Variants in CDH11 observed in about 807,000 individuals in gnomAD.
The protein encoded by CDH11 is cadherin-11.
CDH11 carries 11 observed loss-of-function variants against 67.8 expected under a neutral mutation model. That is an observed-to-expected ratio of 0.16 (90% confidence interval 0.10 to 0.27). The LOEUF (loss-of-function observed/expected upper bound fraction) is 0.27. Among genes scored for constraint, CDH11 ranks in the 10% least tolerant of loss-of-function variants. The pLI, the probability that CDH11 is intolerant of heterozygous loss-of-function variation, is 1.00. For missense variants in CDH11, 847 were observed against 1,031.2 expected, an observed-to-expected ratio of 0.82 and a Z score of 2.45; for synonymous variants, 419 against 400.0, an observed-to-expected ratio of 1.05 and a Z score of -0.57.
chr16:64,992,081 G>C (rs1488300125), intron 5 of CDH11, 146 bp from the exon 6 acceptor site: 7 of 529,174 alleles, frequency 1.3e-5, no homozygotes. Flanking sequence ...ACAACCAAAG[G>C]CAGCCATACT....
At position 65,043,316 on chromosome 16, in the gene CDH11, CG is replaced by C. The variant is rs1567545139; in HGVS notation, c.-173+10487del. ...TTGTCACAGGTTGGATTATCTGGGACGCTGACTCTGAGATGGAGTTTAGCAT... is the reference window on the plus strand; with the variant it reads ...TTGTCACAGGTTGGATTATCTGGGACCTGACTCTGAGATGGAGTTTAGCAT... On this transcript the variant is annotated intron_variant, in intron 2 of 12. Transcript: ENST00000268603. 2.5e-3 allele frequency among the ~76,000 whole-genome samples: 378 copies of C among 152,226 alleles called. 3 individuals are homozygous for C. Among genetic ancestry groups the C allele is most frequent in the African/African-American group, 8.4e-3 (350 of 41,524 alleles).
chr16:64,957,082 C>T (rs1402111419), intron 11 of CDH11, among the ~76,000 whole-genome samples: 1 of 152,168 alleles, frequency 6.6e-6, no homozygotes, highest in Non-Finnish European at 1.5e-5. Flanking sequence ...AAGCAAAGGA[C>T]CAGGACCCTC....
At chr16:65,086,041 G>T (rs1479431163) in intron 1 of CDH11, among the ~76,000 whole-genome samples, 1 of 152,182 alleles carries the variant, frequency 6.6e-6, no homozygotes, top group Non-Finnish European at 1.5e-5. Context: ...TTTTGATGCT[G>T]CTTTTAAGAG....
At chr16:65,073,690 G>A (rs553780693) in intron 1 of CDH11, among the ~76,000 whole-genome samples, 2 of 152,274 alleles carry the variant, frequency 1.3e-5, no homozygotes, top group East Asian at 1.9e-4. Flanking sequence ...ACCTAGCTCT[G>A]GGTGGGAGGT....
At chr16:65,000,772 G>T (rs903019099) in intron 3 of CDH11, among the ~76,000 whole-genome samples, 14 of 151,914 alleles carry the variant, frequency 9.2e-5, no homozygotes, top group Non-Finnish European at 1.9e-4. Flanking sequence ...TCTTACCACT[G>T]TACTCCAGCC....
At chr16:65,097,577 T>C (rs1185238121) in intron 1 of CDH11, among the ~76,000 whole-genome samples, 1 of 148,700 alleles carries the variant, frequency 6.7e-6, no homozygotes, top group Non-Finnish European at 1.5e-5. Flanking sequence ...ACAAAACAAA[T>C]GTCTCTAGAT....
At chr16:65,070,770 C>T (rs534981460) in intron 1 of CDH11, among the ~76,000 whole-genome samples, 2 of 152,294 alleles carry the variant, frequency 1.3e-5, no homozygotes, top group African/African-American at 4.8e-5. Context: ...ATTAGAAACT[C>T]TGATTGGAAA....
At chr16:65,045,328 A>AATATATAT (rs1182728954) in intron 2 of CDH11, among the ~76,000 whole-genome samples, 7 of 46,102 alleles carry the variant, frequency 1.5e-4, no homozygotes, top group Admixed American at 1.9e-4. Flanking sequence ...TTCCCTCAAA[A>AATATATAT]GTATATATAT....
At chr16:65,067,791 G>A (rs1457156877) in intron 1 of CDH11, among the ~76,000 whole-genome samples, 1 of 144,016 alleles carries the variant, frequency 6.9e-6, no homozygotes, top group South Asian at 2.3e-4. Flanking sequence ...GAGGGAGAGA[G>A]AGAGGAAGGA....
intron 11 of CDH11, among the ~76,000 whole-genome samples, chr16:64,964,114 A>C (rs1436316064): frequency 1.3e-5 from 2 of 152,232 alleles, no homozygotes. Context: ...TAATAATTGC[A>C]ACAATGTATT....
Position 64,991,894 on chromosome 16 carries a change from T to C in CDH11, c.685A>G (p.Lys229Glu). ...TGGATCACCACGTGGTACTCCTCCT[T>C]GGCCTCCCTGTCCATGTTGGGTAGG... ...TALPNMDREAKEEYHVVIQAK... is the reference protein window; with the variant it reads ...TALPNMDREAEEEYHVVIQAK... The change falls in exon 6 of 13, where the codon AAG (lysine) becomes GAG (glutamate). Residue 229 changes from lysine to glutamate, a missense_variant. Around this residue, in one of 2 missense-constraint regions of CDH11, gnomAD observed 235 missense variants for 352.5 expected, o/e 0.67. Coordinates refer to ENST00000268603, the MANE Select transcript of CDH11 (RefSeq NM_001797.4). 6.2e-7 allele frequency: 1 copy of C among 1,613,814 alleles called. No individual in the cohort carries two copies. Among genetic ancestry groups the C allele is most frequent in the Non-Finnish European group, 8.5e-7 (1 of 1,179,746 alleles).
At chr16:65,086,306 A>G (rs1448951900) in intron 1 of CDH11, among the ~76,000 whole-genome samples, 1 of 152,214 alleles carries the variant, frequency 6.6e-6, no homozygotes, top group South Asian at 2.1e-4. Flanking sequence ...CTCAAACTTT[A>G]TAGATCATCA....
Position 64,947,680 on chromosome 16 carries a change from G to C in CDH11, c.2314C>G (p.Leu772Val). The C allele has an allele frequency of 6.2e-7, 1 of 1,614,126 alleles. No individual in the cohort carries two copies. The change falls in exon 13 of 13, where the codon CTA becomes GTA. Residue 772 changes from leucine to valine, a missense_variant. Physicochemically the swap from Leu to Val is conservative, Grantham distance 32. This residue lies in a region of CDH11 where 612 missense variants were observed against 678.7 expected (regional missense o/e 0.90). Coordinates refer to ENST00000268603, the MANE Select transcript of CDH11 (RefSeq NM_001797.4). ...TTAAAACGAGGTCCCCAGTTCTGTA[G>C]ATAATCATAGTCCAAGTCTGAATCT... ...TTDSDLDYDYLQNWGPRFKKL... is the reference protein window; with the variant it reads ...TTDSDLDYDYVQNWGPRFKKL...
At chr16:65,037,794 T>G (rs1270983784) in intron 2 of CDH11, among the ~76,000 whole-genome samples, 1 of 151,152 alleles carries the variant, frequency 6.6e-6, no homozygotes, top group African/African-American at 2.4e-5. Flanking sequence ...TAGGGAGGGA[T>G]CTGGAAGTCA....
intron 1 of CDH11, among the ~76,000 whole-genome samples, chr16:65,089,170 G>T (rs542993234): frequency 1.3e-5 from 2 of 152,106 alleles, no homozygotes; most frequent in South Asian, 2.1e-4. Flanking sequence ...GTAGAAAGTG[G>T]CAATATGAGT....
intron 9 of CDH11, 39 bp downstream of exon 9, chr16:64,972,865 T>C (rs370301338): frequency 8.1e-6 from 13 of 1,607,212 alleles, no homozygotes; most frequent in Non-Finnish European, 1.1e-5. Flanking sequence ...GCGATAATAC[T>C]TGGTAAAGTA....
rs574599418 is a variant in CDH11, at chr16:64,998,656, C to T, written c.429G>A (p.Ser143=). ...TGTCCTGGACCTTGACAATGAATTC[C>T]GACGGTGGCTCCAGTGGCCGATTGG... ...RDTNRPLEPP[S]EFIVKVQDIN... Residue 143 remains serine, a synonymous_variant, in exon 4 of 13, where the codon TCG becomes TCA. Coordinates refer to ENST00000268603, the MANE Select transcript of CDH11 (RefSeq NM_001797.4). 11 of 1,614,024 alleles carry T rather than the reference C, an allele frequency of 6.8e-6. No homozygotes were observed. The highest frequency in any genetic ancestry group is 1.7e-4 in the Middle Eastern group (1 of 6,060).
chr16:64,967,370 G>A (rs1459698746), intron 11 of CDH11, among the ~76,000 whole-genome samples: 5 of 151,984 alleles, frequency 3.3e-5, no homozygotes, highest in African/African-American at 1.2e-4. Context: ...GGTGCACACC[G>A]GCCAAGCCCA....
Position 64,947,827 on chromosome 16 carries a change from T to G in CDH11, c.2167A>C (p.Thr723Pro), listed in dbSNP as rs1298786354. Reference protein sequence around the residue: ...NSVDVDDFINTRIQEADNDPT... With the variant: ...NSVDVDDFINPRIQEADNDPT... Reference sequence around the variant, plus strand: ...TCATTGTCTGCCTCCTGTATTCTCGTGTTGATGAAGTCATCGACATCCACG... The same window carrying G: ...TCATTGTCTGCCTCCTGTATTCTCGGGTTGATGAAGTCATCGACATCCACG... The change falls in exon 13 of 13, where the codon ACG becomes CCG. Residue 723 changes from threonine (T) to proline (P), a missense_variant. Around this residue, in one of 2 missense-constraint regions of CDH11, gnomAD observed 612 missense variants for 678.7 expected, o/e 0.90. Coordinates refer to ENST00000268603, the MANE Select transcript of CDH11 (RefSeq NM_001797.4). The G allele has an allele frequency of 1.2e-6, 2 of 1,614,172 alleles. No homozygotes were observed. Among genetic ancestry groups the G allele is most frequent in the Admixed American group, 3.3e-5 (2 of 60,018 alleles).
Sources: gnomAD v4.1 joint callset for allele counts (sites outside exome capture counted in the v4.1 genomes callset) on GRCh38, gnomAD v4.1.1 for gene constraint, gnomAD v4.1.1 regional missense constraint, MANE v1.5 for transcripts, NCBI Gene and HGNC (gene_info 2026-07-23, HGNC 2026-07-21) for gene names.